LEPR: variants seen among roughly 807,000 people sequenced by gnomAD.
The protein encoded by LEPR is leptin receptor, also known as OB receptor.
In LEPR, 56 loss-of-function variants were observed where a neutral mutation model predicts 114.7. That is an observed-to-expected ratio of 0.49 (90% CI 0.39 to 0.61). The LOEUF is 0.61. Among genes scored for constraint, LEPR ranks in the 20% least tolerant of loss-of-function variants. The pLI is 0.00. For synonymous variants in LEPR, 443 were observed against 461.4 expected (o/e 0.96, Z 0.51); for missense variants, 1,202 against 1,352.9 (o/e 0.89, Z 1.75).
intron 2 of LEPR, among the ~76,000 whole-genome samples, chr1:65,495,910 G>A (rs968274422): frequency 3.3e-5 from 5 of 152,148 alleles, no homozygotes; most frequent in Non-Finnish European, 5.9e-5. Flanking sequence ...GGGTAGGGGA[G>A]TGGAGGATAG....
Position 65,550,487 on chromosome 1 carries a change from C to A in LEPR, c.-20-15059C>A, listed in dbSNP as rs930895430. Among the ~76,000 whole-genome samples the A allele has an allele frequency of 2.4e-3, 370 of 152,342 alleles. 7 individuals carry two copies. The highest frequency in any genetic ancestry group is 7.1e-4 in the Non-Finnish European group (48 of 68,028). On this transcript the variant is annotated intron_variant, in intron 2 of 19. Transcript: ENST00000349533. ...GCTCCACCCAGTTCGAGCTTCCTGG[C>A]TGTTTTGTTTACCTAAGGGAGCCTG...
intron 2 of LEPR, among the ~76,000 whole-genome samples, chr1:65,447,452 C>T (rs1174425580): frequency 2.0e-5 from 3 of 150,228 alleles, no homozygotes; most frequent in Non-Finnish European, 3.0e-5. Context: ...TCATATAGAT[C>T]TTGTACATAA....
Position 65,636,552 on chromosome 1 carries a change from G to A in LEPR, c.3035G>A (p.Cys1012Tyr). Residue 1012 changes from cysteine (C) to tyrosine (Y), a missense_variant, in exon 20 of 20, where the codon TGC becomes TAC. Coordinates refer to ENST00000349533, the MANE Select transcript of LEPR (RefSeq NM_002303.6). Reference protein sequence around the residue: ...QGLINSSVTKCFSSKNSPLKD... With the variant: ...QGLINSSVTKYFSSKNSPLKD... Reference sequence around the variant, plus strand: ...CTTATAAATAGTTCAGTCACCAAGTGCTTCTCTAGCAAAAATTCTCCGTTG... The same window carrying A: ...CTTATAAATAGTTCAGTCACCAAGTACTTCTCTAGCAAAAATTCTCCGTTG... 6.2e-7 allele frequency: 1 copy of A among 1,614,074 alleles called. No individual in the cohort carries two copies.
At chr1:65,496,437 T>G (rs1052755684) in intron 2 of LEPR, among the ~76,000 whole-genome samples, 56 of 151,932 alleles carry the variant, frequency 3.7e-4, no homozygotes, top group Non-Finnish European at 1.0e-4. Context: ...AATAGCCAGG[T>G]GTGGTTGCAC....
At chr1:65,507,906 T>G (rs947890622) in intron 2 of LEPR, among the ~76,000 whole-genome samples, 1 of 152,206 alleles carries the variant, frequency 6.6e-6, no homozygotes, top group Non-Finnish European at 1.5e-5. Flanking sequence ...GATATCCCAT[T>G]GTAGTTTTAA....
At chr1:65,493,527 T>C (rs1225449734) in intron 2 of LEPR, among the ~76,000 whole-genome samples, 1 of 152,166 alleles carries the variant, frequency 6.6e-6, no homozygotes, top group Non-Finnish European at 1.5e-5. Context: ...AGATATTTTT[T>C]TCATTAAAAT....
chr1:65,528,939 G>A (rs1303707164), intron 2 of LEPR, among the ~76,000 whole-genome samples: 2 of 151,276 alleles, frequency 1.3e-5, no homozygotes, highest in Non-Finnish European at 2.9e-5. Flanking sequence ...CAAGTATCTG[G>A]GATTACAGGC....
At chr1:65,437,770 T>C (rs1260450734) in intron 2 of LEPR, among the ~76,000 whole-genome samples, 1 of 151,992 alleles carries the variant, frequency 6.6e-6, no homozygotes, top group Non-Finnish European at 1.5e-5. Context: ...TCATTGTGGT[T>C]TTAGATAGGG....
At position 65,633,545 on chromosome 1, in the gene LEPR, G is replaced by C. The variant is rs1023850404; in HGVS notation, c.2674-2646G>C. Reference sequence around the variant, plus strand: ...CATCAAATATGTAGTAGACAATGCTGTAATTAGGTGAACTCTAAAACTGCA... The same window carrying C: ...CATCAAATATGTAGTAGACAATGCTCTAATTAGGTGAACTCTAAAACTGCA... On this transcript the variant is annotated intron_variant, in intron 19 of 19. Coordinates refer to ENST00000349533, the MANE Select transcript of LEPR (RefSeq NM_002303.6). This position sits in a 1 kb window ranked among gnomAD's most constrained non-coding sequence, Gnocchi z 4.1. 1 of 1,014,272 alleles carries C rather than the reference G, an allele frequency of 9.9e-7. No individual in the cohort carries two copies. The highest frequency in any genetic ancestry group is 1.7e-5 in the African/African-American group (1 of 58,374). 62.8% of individuals were successfully genotyped at this position (1,014,272 alleles called of 1,614,324 possible).
intron 3 of LEPR, among the ~76,000 whole-genome samples, chr1:65,567,329 T>C (rs535851678): frequency 1.2e-4 from 19 of 152,346 alleles, no homozygotes; most frequent in African/African-American, 4.3e-4. Context: ...GAATCCTCTA[T>C]GTAGACCTAG....
chr1:65,526,292 T>G, intron 2 of LEPR: 2 of 985,078 alleles, frequency 2.0e-6, no homozygotes, highest in Non-Finnish European at 2.4e-6. Flanking sequence ...GTTTCCCACC[T>G]CCCCCCTTCC....
chr1:65,449,489 G>A (rs1343820444), intron 2 of LEPR, among the ~76,000 whole-genome samples: 1 of 151,926 alleles, frequency 6.6e-6, no homozygotes, highest in Non-Finnish European at 1.5e-5. Context: ...TGCCATGGCT[G>A]TTCACTTGGG....
chr1:65,626,965 A>G (rs889896575), intron 19 of LEPR, among the ~76,000 whole-genome samples: 1 of 152,198 alleles, frequency 6.6e-6, no homozygotes, highest in Non-Finnish European at 1.5e-5. Flanking sequence ...GAAAAATAAT[A>G]TAGTGTAACT....
At chr1:65,612,805 A>C (rs1657260473) in intron 14 of LEPR, among the ~76,000 whole-genome samples, 1 of 152,150 alleles carries the variant, frequency 6.6e-6, no homozygotes, top group Admixed American at 6.6e-5. Context: ...TTGGGGGAGG[A>C]AGATCACAGA....
intron 10 of LEPR, 49 bp downstream of exon 10, chr1:65,602,009 A>G (rs758627567): frequency 2.7e-6 from 4 of 1,482,456 alleles, no homozygotes; most frequent in South Asian, 1.1e-5. Context: ...CAGTGAGATA[A>G]AAATTTTCTT....
intron 2 of LEPR, among the ~76,000 whole-genome samples, chr1:65,473,539 T>C (rs1442158209): frequency 6.6e-6 from 1 of 152,230 alleles, no homozygotes; most frequent in Admixed American, 6.5e-5. Flanking sequence ...AATAATGGCA[T>C]TTATTTTTAC....
At chr1:65,571,791 CAAAAAAAAAA>C (rs34139057) in intron 4 of LEPR, among the ~76,000 whole-genome samples, 21 of 73,682 alleles carry the variant, frequency 2.9e-4, no homozygotes, top group Non-Finnish European at 4.4e-4. Context: ...CCATCTCTAC[CAAAAAAAAAA>C]AAAAAAAAAA....
At chr1:65,555,908 G>A (rs535544542) in intron 2 of LEPR, among the ~76,000 whole-genome samples, 17 of 152,190 alleles carry the variant, frequency 1.1e-4, no homozygotes, top group African/African-American at 2.7e-4. Context: ...TCAACCCTCC[G>A]TCTTTTTGAA....
At chr1:65,525,113 G>A (rs1649835365) in intron 2 of LEPR, among the ~76,000 whole-genome samples, 1 of 152,220 alleles carries the variant, frequency 6.6e-6, no homozygotes, top group Non-Finnish European at 1.5e-5. Flanking sequence ...TTCCTGATAA[G>A]CATGACGAAG....
Sources: allele counts gnomAD v4.1 joint callset (sites outside exome capture counted in the v4.1 genomes callset), GRCh38; gene constraint gnomAD v4.1.1; non-coding constraint Gnocchi (gnomAD v3.1); transcripts MANE v1.5; gene names NCBI Gene and HGNC (gene_info 2026-07-23, HGNC 2026-07-21).